The following MAPK8IP3 variants were observed in gnomAD, a reference collection of about 807,000 sequenced individuals.
MAPK8IP3 encodes the protein mitogen-activated protein kinase 8 interacting protein 3, also known as C-Jun-amino-terminal kinase-interacting protein 3.
A neutral mutation model predicts 157.8 loss-of-function variants in MAPK8IP3; 49 were observed. The observed-to-expected ratio is 0.31, with a 90% CI of 0.25 to 0.39. The LOEUF (loss-of-function observed/expected upper bound fraction) is 0.39, where lower values mean the gene tolerates loss of function less well. Among genes scored for constraint, MAPK8IP3 ranks in the 10% least tolerant of loss-of-function variants. The probability of loss-of-function intolerance (pLI) is 1.00; values close to 1 mark genes in which losing one functional copy is unlikely to be tolerated. For synonymous variants in MAPK8IP3, 897 were observed against 777.7 expected (o/e 1.15, Z -2.55); for missense variants, 1,478 against 1,889.4 (o/e 0.78, Z 4.04).
chr16:1,761,152 G>A (rs1037693213), intron 12 of MAPK8IP3, 72 bp from the exon 13 acceptor site: 51 of 1,215,946 alleles, frequency 4.2e-5, no homozygotes, highest in Non-Finnish European at 5.8e-5. Context: ...TTCGGGGCGG[G>A]CACTGCCCGC....
intron 1 of MAPK8IP3, among the ~76,000 whole-genome samples, chr16:1,722,423 G>C (rs1429160072): frequency 6.6e-6 from 1 of 152,180 alleles, no homozygotes; most frequent in Non-Finnish European, 1.5e-5. Context: ...AAGAAGCGTC[G>C]AGGAGCCTAG....
rs368573328 is a variant in MAPK8IP3 at position 1,765,174 on chromosome 16, C to T, written c.2442C>T (p.Ile814=). 1.3e-5 allele frequency: 20 copies of T among 1,589,460 alleles called. No homozygotes were observed. The African/African-American group carries it at 2.4e-4, about 19-fold the overall frequency. The part of the protein sequence containing the change: ...CNAHVLCISS[I]PAASDSDYPP... ...CGCACGTGCTGTGCATCTCCAGCATCCCCGGTGAGCAGCTGGAGTGGGCGT... is the reference window on the plus strand; with the variant it reads ...CGCACGTGCTGTGCATCTCCAGCATTCCCGGTGAGCAGCTGGAGTGGGCGT... Residue 814 remains isoleucine (I), a synonymous_variant, in exon 20 of 32, where the codon ATC becomes ATT. Transcript: ENST00000610761.
At chr16:1,717,402 A>G (rs2038226465) in intron 1 of MAPK8IP3, among the ~76,000 whole-genome samples, 1 of 152,190 alleles carries the variant, frequency 6.6e-6, no homozygotes, top group Non-Finnish European at 1.5e-5. Flanking sequence ...TGGTACCTAG[A>G]TGTGAGAGTT....
At chr16:1,707,542 C>T (rs1448509853) in intron 1 of MAPK8IP3, 1 of 152,338 alleles carries the variant, frequency 6.6e-6, no homozygotes, top group South Asian at 2.1e-4. Context: ...GAGCCGGGCC[C>T]TGTGGGGAGC....
Position 1,742,832 on chromosome 16 carries a change from T to G in MAPK8IP3, c.603-500T>G, listed in dbSNP as rs2040758171. 1.3e-5 allele frequency among the ~76,000 whole-genome samples: 2 copies of G among 152,038 alleles called. No individual in the cohort carries two copies. ...ACACCCGGCTTGTGTCTGTTTAAAATTGAACTTAGGCCGGGCGCGGTGGCT... is the reference window on the plus strand; with the variant it reads ...ACACCCGGCTTGTGTCTGTTTAAAAGTGAACTTAGGCCGGGCGCGGTGGCT... On this transcript the variant is annotated intron_variant, in intron 4 of 31. Coordinates refer to ENST00000610761, the MANE Select transcript of MAPK8IP3 (RefSeq NM_001318852.2). The surrounding 1 kb of genome is among the most constrained non-coding windows in gnomAD (Gnocchi z 5.0).
intron 1 of MAPK8IP3, among the ~76,000 whole-genome samples, chr16:1,722,324 C>T (rs1257597815): frequency 6.6e-6 from 1 of 152,182 alleles, no homozygotes; most frequent in Non-Finnish European, 1.5e-5. Context: ...GTTTTCTGCC[C>T]TCTCAGTAAC....
In MAPK8IP3 at chr16:1,706,462, GC is replaced by G; in HGVS notation, c.124del (p.Arg42AlafsTer19). 6.2e-7 allele frequency: 1 copy of G among 1,614,074 alleles called. No homozygotes were observed. The highest frequency in any genetic ancestry group is 8.5e-7 in the Non-Finnish European group (1 of 1,179,986). ...CGGGCTCCATCTACCGCGAGTTCGAGCGCCTCATCCACTGCTACGACGAGGA... is the reference window on the plus strand; with the variant it reads ...CGGGCTCCATCTACCGCGAGTTCGAGGCCTCATCCACTGCTACGACGAGGA... ...LAGSIYREFE[R>X]LIHCYDEEVV... On this transcript the variant is annotated frameshift_variant, in exon 1 of 32. Coordinates refer to ENST00000610761, the MANE Select transcript of MAPK8IP3 (RefSeq NM_001318852.2). LOFTEE classifies it high-confidence loss of function. This position sits in a 1 kb window ranked among gnomAD's most constrained non-coding sequence, Gnocchi z 5.1.
intron 4 of MAPK8IP3, among the ~76,000 whole-genome samples, chr16:1,740,071 C>A (rs533463510): frequency 1.5e-5 from 1 of 65,650 alleles, no homozygotes; most frequent in East Asian, 5.3e-4. Context: ...TCCGTGTGAG[C>A]GTGAGCATCC....
intron 19 of MAPK8IP3, 137 bp from the exon 20 acceptor site, chr16:1,764,876 C>A: frequency 1.2e-6 from 1 of 820,188 alleles, no homozygotes; most frequent in Non-Finnish European, 1.9e-6. Flanking sequence ...TGTTCTGGTC[C>A]TGGGGGAGGA....
chr16:1,762,560 CCT>C (rs1413173368), intron 14 of MAPK8IP3, 79 bp downstream of exon 14: 8 of 1,586,606 alleles, frequency 5.0e-6, no homozygotes, highest in African/African-American at 1.3e-5. Context: ...TCTGCACCTC[CCT>C]GTCTTCTGGG....
chr16:1,766,438 AG>A (rs1323958949), intron 22 of MAPK8IP3, 29 bp downstream of exon 22: 29 of 1,605,706 alleles, frequency 1.8e-5, no homozygotes, highest in Non-Finnish European at 2.5e-5. Context: ...GCAGGAGCAG[AG>A]GGAAGGCTTG....
Position 1,770,347 on chromosome 16 carries a change from G to A in MAPK8IP3, c.*1523G>A. On this transcript the variant is annotated 3_prime_UTR_variant, in exon 32 of 32. Transcript: ENST00000610761. The stretch of plus-strand genomic sequence containing the variant: ...CCTGTTCCTGGGCCCAAATCGAAAC[G>A]AAAACGAGGACTTTATTATAAAAAA... The A allele has an allele frequency of 2.9e-6, 1 of 346,304 alleles. No individual in the cohort carries two copies. Among genetic ancestry groups the A allele is most frequent in the Non-Finnish European group, 5.2e-6 (1 of 191,488 alleles). 21.5% of individuals were successfully genotyped at this position (346,304 alleles called of 1,614,324 possible). A position where few individuals can be genotyped will look rare whatever the true frequency, so the allele number is the denominator to read the frequency against.
Position 1,706,921 on chromosome 16 carries a change from C to G in MAPK8IP3, c.318+264C>G, listed in dbSNP as rs1314090331. Among the ~76,000 whole-genome samples, 3 of 148,958 alleles carry G rather than the reference C, an allele frequency of 2.0e-5. No individual in the cohort carries two copies. Among genetic ancestry groups the G allele is most frequent in the Non-Finnish European group, 4.5e-5 (3 of 67,172 alleles). On this transcript the variant is annotated intron_variant, in intron 1 of 31. Transcript: ENST00000610761. This position sits in a 1 kb window ranked among gnomAD's most constrained non-coding sequence, Gnocchi z 5.1. Reference sequence around the variant, plus strand: ...GGGACCCCACCCCGACTCCCGGGGACCCCCTTTTCCGCCCAGGCCTGGGCC... The same window carrying G: ...GGGACCCCACCCCGACTCCCGGGGAGCCCCTTTTCCGCCCAGGCCTGGGCC...
chr16:1,732,248 C>A (rs1183699655), intron 4 of MAPK8IP3, among the ~76,000 whole-genome samples: 1 of 152,200 alleles, frequency 6.6e-6, no homozygotes, highest in African/African-American at 2.4e-5. Flanking sequence ...AGGGGGGAAG[C>A]CTGTTTCTGC....
chr16:1,743,213 G>A lies in MAPK8IP3; in HGVS notation c.603-119G>A. ...ATAACTGAGTAGCTGCTCGAGCTGGGCTGCTGGCTGGCATGGAGCGGCCCC... is the reference window on the plus strand; with the variant it reads ...ATAACTGAGTAGCTGCTCGAGCTGGACTGCTGGCTGGCATGGAGCGGCCCC... On this transcript the variant is annotated intron_variant, in intron 4 of 31. Coordinates refer to ENST00000610761, the MANE Select transcript of MAPK8IP3 (RefSeq NM_001318852.2). The surrounding 1 kb of genome is among the most constrained non-coding windows in gnomAD (Gnocchi z 5.6). 2.2e-6 allele frequency: 3 copies of A among 1,385,784 alleles called. No individual in the cohort carries two copies. The highest frequency in any genetic ancestry group is 1.7e-5 in the South Asian group (1 of 57,482). The allele number at this position is 1,385,784 out of a possible 1,614,324, so 85.8% of individuals were successfully genotyped here.
Position 1,768,536 on chromosome 16 carries a change from C to A in MAPK8IP3, c.3802C>A (p.Pro1268Thr). ...GGACAGCCCAGCCGAGGGCCCTGGG[C>A]CAGCTGCCCCTGCCTCGGAGGTCGA... The part of the protein sequence containing the change: ...VLDSPAEGPG[P>T]AAPASEVEGQ... The change falls in exon 31 of 32, where the codon CCA (proline) becomes ACA (threonine). Residue 1268 changes from proline (P) to threonine (T), a missense_variant. This residue lies in a region of MAPK8IP3 where 133 missense variants were observed against 133.4 expected (regional missense o/e 1.00). Coordinates refer to ENST00000610761, the MANE Select transcript of MAPK8IP3 (RefSeq NM_001318852.2). The A allele has an allele frequency of 6.4e-7, 1 of 1,561,548 alleles. No individual in the cohort carries two copies. The highest frequency in any genetic ancestry group is 8.7e-7 in the Non-Finnish European group (1 of 1,154,452).
At chr16:1,765,225 A>T in intron 20 of MAPK8IP3, 47 bp downstream of exon 20, 1 of 1,545,124 alleles carries the variant, frequency 6.5e-7, no homozygotes, top group South Asian at 1.2e-5. Flanking sequence ...ACTCCCTTTT[A>T]CTAGCAAGCT....
At chr16:1,748,053 G>A (rs972806134) in intron 6 of MAPK8IP3, among the ~76,000 whole-genome samples, 191 bp from the exon 7 acceptor site, 1 of 152,198 alleles carries the variant, frequency 6.6e-6, no homozygotes, top group African/African-American at 2.4e-5. Flanking sequence ...TCCAGGCCCC[G>A]CCTCAGACGT....
intron 4 of MAPK8IP3, among the ~76,000 whole-genome samples, chr16:1,736,408 CCGTCCGTGTAAG>C (rs2141784427): frequency 1.9e-5 from 1 of 51,864 alleles, no homozygotes; most frequent in East Asian, 5.2e-4. Context: ...CCGTGTGTGA[CCGTCCGTGTAAG>C]CATCCGTGTG....
Sources: gnomAD v4.1 joint callset for allele counts (sites outside exome capture counted in the v4.1 genomes callset) on GRCh38, gnomAD v4.1.1 for gene constraint, gnomAD v4.1.1 regional missense constraint, Gnocchi (gnomAD v3.1) non-coding constraint, MANE v1.5 for transcripts, NCBI Gene and HGNC (gene_info 2026-07-23, HGNC 2026-07-21) for gene names.